Variants in TRPM3 observed in about 807,000 individuals in gnomAD.
The protein encoded by TRPM3 is transient receptor potential cation channel subfamily M member 3, also known as long transient receptor potential channel 3.
A neutral mutation model predicts 181.2 loss-of-function variants in TRPM3; 77 were observed. The ratio of observed to expected loss-of-function variants is 0.42; its 90% CI spans 0.35 to 0.51. TRPM3 has a LOEUF of 0.51. TRPM3 is among the 20% of genes least tolerant of loss of function. The pLI is 0.01. For synonymous variants in TRPM3, 745 were observed against 796.4 expected (o/e 0.94, Z 1.09); for missense variants, 1,759 against 2,196.7 (o/e 0.80, Z 3.98).
At chr9:70,923,485 GA>G (rs2096680434) in intron 1 of TRPM3, among the ~76,000 whole-genome samples, 1 of 151,394 alleles carries the variant, frequency 6.6e-6, no homozygotes, top group African/African-American at 2.4e-5. Flanking sequence ...GTTAATTGTA[GA>G]AAAATACAAA....
chr9:71,406,616 A>C lies in TRPM3; in HGVS notation c.183+40037T>G, dbSNP rs186003736. Among the ~76,000 whole-genome samples the C allele has an allele frequency of 3.9e-5, 6 of 152,328 alleles. No individual in the cohort carries two copies. The East Asian group carries it at 1.2e-3, about 29-fold the overall frequency. ...TGTTTACGGAAAAAGCAGTGTGACT[A>C]AAACTTCTCCATAGATTAAGAGTGA... On this transcript the variant is annotated intron_variant, in intron 1 of 24. Coordinates refer to the TRPM3 transcript ENST00000357533.
intron 1 of TRPM3, among the ~76,000 whole-genome samples, chr9:71,135,894 G>A (rs1348610012): frequency 6.6e-6 from 1 of 152,152 alleles, no homozygotes; most frequent in Non-Finnish European, 1.5e-5. Flanking sequence ...ATTGTTTGCT[G>A]AGAAGTTATG....
At chr9:71,342,219 T>C (rs1406605484) in intron 1 of TRPM3, among the ~76,000 whole-genome samples, 1 of 143,504 alleles carries the variant, frequency 7.0e-6, no homozygotes, top group Non-Finnish European at 1.5e-5. Context: ...TGTGCCAAAC[T>C]TTATGGAGAA....
intron 1 of TRPM3, among the ~76,000 whole-genome samples, chr9:71,399,666 C>G (rs2093294555): frequency 6.6e-6 from 1 of 151,136 alleles, no homozygotes; most frequent in Non-Finnish European, 1.5e-5. Flanking sequence ...GTAGCTGGGA[C>G]TACAGGCACC....
rs549625858 is a variant in TRPM3 at position 71,069,327 on chromosome 9, C to G, written c.177+51851G>C. 3.9e-5 allele frequency among the ~76,000 whole-genome samples: 6 copies of G among 152,126 alleles called. No individual in the cohort carries two copies. The East Asian group carries it at 1.2e-3, about 30-fold the overall frequency. On this transcript the variant is annotated intron_variant, in intron 1 of 25. Transcript: ENST00000677713. Reference sequence around the variant, plus strand: ...GAGTAGCTGGGACTACAGGCATGCACCACTGCGCCTGGCTAAATTTTTTGC... The same window carrying G: ...GAGTAGCTGGGACTACAGGCATGCAGCACTGCGCCTGGCTAAATTTTTTGC...
chr9:71,396,474 A>C (rs1222025676), intron 1 of TRPM3, among the ~76,000 whole-genome samples: 1 of 152,184 alleles, frequency 6.6e-6, no homozygotes, highest in Non-Finnish European at 1.5e-5. Context: ...TTTTCATTTT[A>C]AACGATGGGT....
At chr9:71,086,358 AT>A (rs1488538335) in intron 1 of TRPM3, among the ~76,000 whole-genome samples, 1 of 151,906 alleles carries the variant, frequency 6.6e-6, no homozygotes, top group African/African-American at 2.4e-5. Flanking sequence ...AAAAGAAAGA[AT>A]TTTTTTAAAA....
At chr9:71,141,697 T>G (rs534183860) in intron 1 of TRPM3, among the ~76,000 whole-genome samples, 12 of 152,174 alleles carry the variant, frequency 7.9e-5, no homozygotes, top group South Asian at 2.1e-4. Context: ...ATGACGGGAT[T>G]AATATTATCA....
chr9:71,000,601 A>G (rs1455175728), intron 1 of TRPM3, among the ~76,000 whole-genome samples: 1 of 152,176 alleles, frequency 6.6e-6, no homozygotes, highest in Non-Finnish European at 1.5e-5. Context: ...ATCTAGTTTT[A>G]TTACCTTTAG....
chr9:71,302,215 G>C (rs968492368), intron 1 of TRPM3, among the ~76,000 whole-genome samples: 2 of 151,900 alleles, frequency 1.3e-5, no homozygotes, highest in African/African-American at 4.8e-5. Flanking sequence ...TAATCACACA[G>C]AATAAAAGTT....
intron 1 of TRPM3, among the ~76,000 whole-genome samples, chr9:71,170,298 A>G (rs987700413): frequency 2.6e-5 from 4 of 152,180 alleles, no homozygotes; most frequent in African/African-American, 9.7e-5. Flanking sequence ...TAAGATGCTT[A>G]TGAAACAGAA....
intron 1 of TRPM3, among the ~76,000 whole-genome samples, chr9:70,873,279 G>C (rs2095819789): frequency 6.6e-6 from 1 of 151,848 alleles, no homozygotes; most frequent in Non-Finnish European, 1.5e-5. Context: ...CAAAATTAAT[G>C]GCAGAGGACC....
At chr9:70,548,964 C>A (rs1351561190) in intron 25 of TRPM3, among the ~76,000 whole-genome samples, 1 of 151,980 alleles carries the variant, frequency 6.6e-6, no homozygotes, top group Non-Finnish European at 1.5e-5. Flanking sequence ...ATGTATATAA[C>A]CATTCAGTAG....
chr9:70,892,743 C>G (rs2096228463), intron 1 of TRPM3, among the ~76,000 whole-genome samples: 1 of 152,068 alleles, frequency 6.6e-6, no homozygotes, highest in South Asian at 2.1e-4. Context: ...AGAGGCTATT[C>G]TAATTCTCAA....
At chr9:71,339,406 G>C (rs573431965) in intron 1 of TRPM3, among the ~76,000 whole-genome samples, 5 of 152,118 alleles carry the variant, frequency 3.3e-5, no homozygotes, top group Middle Eastern at 3.4e-3. Context: ...AGGAAAAATA[G>C]CTTTACCTGA....
At chr9:70,660,931 C>T (rs184051287) in intron 9 of TRPM3, among the ~76,000 whole-genome samples, 44 of 152,120 alleles carry the variant, frequency 2.9e-4, no homozygotes, top group Admixed American at 6.5e-4. Flanking sequence ...CTACATCATT[C>T]GATGAGGCCA....
chr9:71,014,888 C>T (rs2097772171), intron 1 of TRPM3, among the ~76,000 whole-genome samples: 1 of 152,036 alleles, frequency 6.6e-6, no homozygotes, highest in Non-Finnish European at 1.5e-5. Context: ...TTATGCTATA[C>T]TTATTGGTAA....
chr9:71,137,408 C>A (rs2074834177), intron 1 of TRPM3, among the ~76,000 whole-genome samples: 1 of 152,086 alleles, frequency 6.6e-6, no homozygotes, highest in Non-Finnish European at 1.5e-5. Context: ...GTACGTAAGT[C>A]AATACATAAG....
chr9:70,546,557 G>A (rs1012157239), intron 25 of TRPM3, among the ~76,000 whole-genome samples: 4 of 151,994 alleles, frequency 2.6e-5, no homozygotes, highest in African/African-American at 9.7e-5. Flanking sequence ...AATGGTGAAA[G>A]CCTGGTATTC....
Sources: allele counts gnomAD v4.1 joint callset (sites outside exome capture counted in the v4.1 genomes callset), GRCh38; gene constraint gnomAD v4.1.1; transcripts MANE v1.5; gene names NCBI Gene and HGNC (gene_info 2026-07-23, HGNC 2026-07-21).